Variants in REM2 observed in about 807,000 individuals in gnomAD.
REM2 encodes the protein GTP-binding protein REM 2.
REM2 carries 24 observed loss-of-function variants against 24.4 expected under a neutral mutation model. The ratio of observed to expected loss-of-function variants is 0.98; its 90% CI spans 0.71 to 1.38. The LOEUF (loss-of-function observed/expected upper bound fraction) is 1.38. REM2 is among the 40% of genes most tolerant of loss of function. The pLI, the probability that REM2 is intolerant of heterozygous loss-of-function variation, is 0.00. For missense variants in REM2, 429 were observed against 467.8 expected (o/e 0.92, Z 0.77); for synonymous variants, 187 against 198.0 (o/e 0.94, Z 0.47).
intron 1 of REM2, 66 bp downstream of exon 1, chr14:22,883,456 A>G (rs1267584953): frequency 7.1e-7 from 1 of 1,416,890 alleles, no homozygotes; most frequent in Non-Finnish European, 9.7e-7. Flanking sequence ...TTTGGTGGGG[A>G]GGTCAGAACT....
At position 22,885,322 on chromosome 14, in the gene REM2, T is replaced by C. The variant is rs2040114223; in HGVS notation, c.502T>C (p.Tyr168His). Reference sequence around the variant, plus strand: ...TAAGGAGGAAGTGACTCTAGTCGTTTATGACATCTGGGAACAGGTGAGAAC... The same window carrying C: ...TAAGGAGGAAGTGACTCTAGTCGTTCATGACATCTGGGAACAGGTGAGAAC... ...VDKEEVTLVVYDIWEQGDAGG... is the reference protein window; with the variant it reads ...VDKEEVTLVVHDIWEQGDAGG... The change falls in exon 3 of 5, where the codon TAT becomes CAT. Residue 168 changes from tyrosine to histidine, a missense_variant. Transcript: ENST00000267396. 6.2e-7 allele frequency: 1 copy of C among 1,613,366 alleles called. No homozygotes were observed. Among genetic ancestry groups the C allele is most frequent in the Non-Finnish European group, 8.5e-7 (1 of 1,179,322 alleles).
rs1787035819 is a variant in REM2, at chr14:22,886,333, T to A, written c.727+102T>A. The A allele has an allele frequency of 3.8e-6, 4 of 1,064,814 alleles. No individual in the cohort carries two copies. In the South Asian group the frequency reaches 5.6e-5, roughly 15 times the overall value. 66.0% of individuals were successfully genotyped at this position (1,064,814 alleles called of 1,614,324 possible). A position where few individuals can be genotyped will look rare whatever the true frequency, so the allele number is the denominator to read the frequency against. Reference sequence around the variant, plus strand: ...GGCCTTTTTACCATCGCGGACGCACTCACTTGCAATCAGACCCAGGCTAGG... The same window carrying A: ...GGCCTTTTTACCATCGCGGACGCACACACTTGCAATCAGACCCAGGCTAGG... On this transcript the variant is annotated intron_variant, in intron 4 of 4. Coordinates refer to ENST00000267396, the MANE Select transcript of REM2 (RefSeq NM_173527.3). The surrounding 1 kb of genome is among the most constrained non-coding windows in gnomAD (Gnocchi z 5.9).
Position 22,886,207 on chromosome 14 carries a change from C to A in REM2, c.703C>A (p.Arg235Ser). ...CGTTGGAAACAAGAGCGACTTGGCCCGCTCCCGGGAGGTATCACTGGAGGG... is the reference window on the plus strand; with the variant it reads ...CGTTGGAAACAAGAGCGACTTGGCCAGCTCCCGGGAGGTATCACTGGAGGG... ...ILVGNKSDLARSREVSLEEGR... is the reference protein window; with the variant it reads ...ILVGNKSDLASSREVSLEEGR... The change falls in exon 4 of 5, where the codon CGC becomes AGC. Residue 235 changes from arginine (R) to serine (S), a missense_variant. By Grantham distance (110) the Arg-to-Ser change is moderately radical. Transcript: ENST00000267396. This position sits in a 1 kb window ranked among gnomAD's most constrained non-coding sequence, Gnocchi z 5.9. The A allele has an allele frequency of 6.2e-7, 1 of 1,613,372 alleles. No homozygotes were observed. The highest frequency in any genetic ancestry group is 1.1e-5 in the South Asian group (1 of 90,966).
At position 22,885,301 on chromosome 14, in the gene REM2, G is replaced by A. The variant is rs770774317; in HGVS notation, c.481G>A (p.Glu161Lys). The change falls in exon 3 of 5, where the codon GAG (glutamate) becomes AAG (lysine). Residue 161 changes from glutamate to lysine, a missense_variant. Coordinates refer to ENST00000267396, the MANE Select transcript of REM2 (RefSeq NM_173527.3). The stretch of plus-strand genomic sequence containing the variant: ...TGAGAGACGCATCATGGTGGATAAG[G>A]AGGAAGTGACTCTAGTCGTTTATGA... ...TYERRIMVDKEEVTLVVYDIW... is the reference protein window; with the variant it reads ...TYERRIMVDKKEVTLVVYDIW... The A allele has an allele frequency of 2.5e-6, 4 of 1,613,682 alleles. No individual in the cohort carries two copies. The highest frequency in any genetic ancestry group is 3.4e-6 in the Non-Finnish European group (4 of 1,179,718).
In REM2 at chr14:22,886,951, G is replaced by A. The variant is rs1442822647; in HGVS notation, c.*42G>A. The A allele has an allele frequency of 2.2e-6, 3 of 1,349,772 alleles. No homozygotes were observed. Among genetic ancestry groups the A allele is most frequent in the Non-Finnish European group, 1.9e-6 (2 of 1,041,850 alleles). The allele number at this position is 1,349,772 out of a possible 1,614,324, so 83.6% of individuals were successfully genotyped here. On this transcript the variant is annotated 3_prime_UTR_variant, in exon 5 of 5. Transcript: ENST00000267396. The surrounding 1 kb of genome is among the most constrained non-coding windows in gnomAD (Gnocchi z 5.9). ...CCACTGCGGTCGCCATGGTCACCGCGCCCTCCGCTCGCCCCCCCTCGCCCC... is the reference window on the plus strand; with the variant it reads ...CCACTGCGGTCGCCATGGTCACCGCACCCTCCGCTCGCCCCCCCTCGCCCC...
Position 22,883,250 on chromosome 14 carries a change from T to G in REM2, c.-38T>G, listed in dbSNP as rs369133860. ...TGAGGGAGAGGGTGCTGCGAGCTGC[T>G]GGGCTGCACACGCACACGCACACGC... On this transcript the variant is annotated 5_prime_UTR_variant, in exon 1 of 5. Coordinates refer to ENST00000267396, the MANE Select transcript of REM2 (RefSeq NM_173527.3). 11 of 1,136,596 alleles carry G rather than the reference T, an allele frequency of 9.7e-6. No homozygotes were observed. The African/African-American group carries it at 1.1e-4, about 11-fold the overall frequency. The allele number at this position is 1,136,596 out of a possible 1,614,324, so 70.4% of individuals were successfully genotyped here. A position where few individuals can be genotyped will look rare whatever the true frequency, so the allele number is the denominator to read the frequency against.
In REM2 at chr14:22,883,362, G is replaced by A; in HGVS notation, c.75G>A (p.Arg25=). 1 of 1,556,800 alleles carries A rather than the reference G, an allele frequency of 6.4e-7. No individual in the cohort carries two copies. Among genetic ancestry groups the A allele is most frequent in the Non-Finnish European group, 8.7e-7 (1 of 1,150,396 alleles). ...CACTCTGCCCCTCTGGCAGCCGCCG[G>A]GCCTCCCCTCCAGGGACGCCCACAC... ...TTALCPSGSR[R]ASPPGTPTPE... is the part of the protein sequence containing the mutation. The change falls in exon 1 of 5, where the codon CGG becomes CGA. Residue 25 remains arginine (R), a synonymous_variant. Coordinates refer to ENST00000267396, the MANE Select transcript of REM2 (RefSeq NM_173527.3).
chr14:22,884,028 G>A, intron 1 of REM2: 1 of 984,826 alleles, frequency 1.0e-6, no homozygotes, highest in Non-Finnish European at 1.2e-6. Context: ...ACGCAATGAG[G>A]GATGCTCACC....
rs923442916 is a variant in REM2, at chr14:22,886,962, G to GC, written c.*60dup. ...GCCATGGTCACCGCGCCCTCCGCTC[G>GC]CCCCCCCTCGCCCCGCCCCGCCCCC... On this transcript the variant is annotated 3_prime_UTR_variant, in exon 5 of 5. Transcript: ENST00000267396. The surrounding 1 kb of genome is among the most constrained non-coding windows in gnomAD (Gnocchi z 5.9). 510 of 1,296,998 alleles carry GC rather than the reference G, an allele frequency of 3.9e-4. 1 individual carries two copies. Among genetic ancestry groups the GC allele is most frequent in the Middle Eastern group, 3.2e-3 (11 of 3,474 alleles). 80.3% of individuals were successfully genotyped at this position (1,296,998 alleles called of 1,614,324 possible).
chr14:22,885,387 T>G, intron 3 of REM2, 48 bp downstream of exon 3: 1 of 1,443,180 alleles, frequency 6.9e-7, no homozygotes, highest in African/African-American at 1.4e-5. Flanking sequence ...CTGGGAGAAC[T>G]GGGGAAGGGC....
In REM2 at chr14:22,886,173, C is replaced by T; in HGVS notation, c.669C>T (p.Pro223=). Residue 223 remains proline (P), a synonymous_variant, in exon 4 of 5, where the codon CCC becomes CCT. Transcript: ENST00000267396. The surrounding 1 kb of genome is among the most constrained non-coding windows in gnomAD (Gnocchi z 5.9). ...CTGGGAGGCCGCACCACGACCTACC[C>T]GTTATCCTCGTTGGAAACAAGAGCG... ...LRAGRPHHDL[P]VILVGNKSDL... 1.2e-6 allele frequency: 2 copies of T among 1,613,958 alleles called. No homozygotes were observed. The highest frequency in any genetic ancestry group is 2.7e-5 in the African/African-American group (2 of 75,052).
Position 22,887,040 on chromosome 14 carries a change from C to T in REM2, c.*131C>T. On this transcript the variant is annotated 3_prime_UTR_variant, in exon 5 of 5. Transcript: ENST00000267396. ...AGGAAACCAAAAACTCCCAGGATGC[C>T]CCGGTGTGACCGCCGGGGGCGGCCC... The T allele has an allele frequency of 9.9e-6, 8 of 807,672 alleles. No individual in the cohort carries two copies. The highest frequency in any genetic ancestry group is 1.4e-5 in the Non-Finnish European group (8 of 562,346). 50.0% of individuals were successfully genotyped at this position (807,672 alleles called of 1,614,324 possible).
Position 22,886,293 on chromosome 14 carries a change from AC to A in REM2, c.727+64del. On this transcript the variant is annotated intron_variant, in intron 4 of 4. Coordinates refer to ENST00000267396, the MANE Select transcript of REM2 (RefSeq NM_173527.3). This position sits in a 1 kb window ranked among gnomAD's most constrained non-coding sequence, Gnocchi z 5.9. ...AGGGGAATGCTCTCCCTTCCAAGTC[AC>A]CTCTTCTCCCTAAGGCCTTTTTACC... 10 of 1,447,416 alleles carry A rather than the reference AC, an allele frequency of 6.9e-6. No homozygotes were observed. The highest frequency in any genetic ancestry group is 9.5e-6 in the Non-Finnish European group (10 of 1,050,572). The allele number at this position is 1,447,416 out of a possible 1,614,324, so 89.7% of individuals were successfully genotyped here.
chr14:22,884,373 G>C, intron 1 of REM2: 1 of 985,456 alleles, frequency 1.0e-6, no homozygotes, highest in Non-Finnish European at 1.2e-6. Context: ...CTGTGTATCA[G>C]TGTAAAGTGT....
chr14:22,886,585 C>T lies in REM2; in HGVS notation c.728-29C>T. On this transcript the variant is annotated intron_variant, in intron 4 of 4. Coordinates refer to ENST00000267396, the MANE Select transcript of REM2 (RefSeq NM_173527.3). This position sits in a 1 kb window ranked among gnomAD's most constrained non-coding sequence, Gnocchi z 5.9. ...TCGCCCCGGGTCCCGTACAGCCCAGCGGGCGCCTGAGCCGGTGCCTTCCTG... is the reference window on the plus strand; with the variant it reads ...TCGCCCCGGGTCCCGTACAGCCCAGTGGGCGCCTGAGCCGGTGCCTTCCTG... 6.9e-7 allele frequency: 1 copy of T among 1,443,770 alleles called. No individual in the cohort carries two copies. The highest frequency in any genetic ancestry group is 2.5e-5 in the East Asian group (1 of 39,630). The allele number at this position is 1,443,770 out of a possible 1,614,324, so 89.4% of individuals were successfully genotyped here. A position where few individuals can be genotyped will look rare whatever the true frequency, so the allele number is the denominator to read the frequency against.
intron 1 of REM2, chr14:22,883,940 ACTT>A (rs901186928): frequency 2.5e-6 from 2 of 804,266 alleles, no homozygotes; most frequent in African/African-American, 1.9e-5. Context: ...CTCTCTCTCT[ACTT>A]CTACTGCTCT....
chr14:22,884,764 G>A lies in REM2; in HGVS notation c.194G>A (p.Arg65Gln), dbSNP rs894910280. The change falls in exon 2 of 5, where the codon CGA (arginine) becomes CAA (glutamine). Residue 65 changes from arginine (R) to glutamine (Q), a missense_variant. Physicochemically the swap from Arg to Gln is conservative, Grantham distance 43. Coordinates refer to ENST00000267396, the MANE Select transcript of REM2 (RefSeq NM_173527.3). ...GLPSAPGAPRRRGSMPVPYKH... is the reference protein window; with the variant it reads ...GLPSAPGAPRQRGSMPVPYKH... ...CCCTCTGCCCCTGGGGCCCCCAGAC[G>A]AAGAGGCAGTATGCCTGTCCCCTAC... 1.2e-6 allele frequency: 2 copies of A among 1,613,922 alleles called. No homozygotes were observed. Among genetic ancestry groups the A allele is most frequent in the Non-Finnish European group, 1.7e-6 (2 of 1,179,900 alleles).
In REM2 at chr14:22,887,055, G is replaced by T; in HGVS notation, c.*146G>T. The T allele has an allele frequency of 2.8e-6, 2 of 708,202 alleles. No homozygotes were observed. The highest frequency in any genetic ancestry group is 4.2e-6 in the Non-Finnish European group (2 of 475,826). The allele number at this position is 708,202 out of a possible 1,614,324, so 43.9% of individuals were successfully genotyped here. ...CCCAGGATGCCCCGGTGTGACCGCC[G>T]GGGGCGGCCCGGGGCCGCTCGGCGG... On this transcript the variant is annotated 3_prime_UTR_variant, in exon 5 of 5. Coordinates refer to ENST00000267396, the MANE Select transcript of REM2 (RefSeq NM_173527.3).
rs573100394 is a variant in REM2 at position 22,886,520 on chromosome 14, C to A, written c.728-94C>A. ...GGTTGCAAGATTCACTAGTACCAATCCCTTGCCACCGCACGCCCAGGCCCT... is the reference window on the plus strand; with the variant it reads ...GGTTGCAAGATTCACTAGTACCAATACCTTGCCACCGCACGCCCAGGCCCT... On this transcript the variant is annotated intron_variant, in intron 4 of 4. Transcript: ENST00000267396. This position sits in a 1 kb window ranked among gnomAD's most constrained non-coding sequence, Gnocchi z 5.9. 4 of 1,155,626 alleles carry A rather than the reference C, an allele frequency of 3.5e-6. No individual in the cohort carries two copies. Among genetic ancestry groups the A allele is most frequent in the African/African-American group, 3.1e-5 (2 of 64,256 alleles). 71.6% of individuals were successfully genotyped at this position (1,155,626 alleles called of 1,614,324 possible).
Sources: gnomAD v4.1 joint callset for allele counts on GRCh38, gnomAD v4.1.1 for gene constraint, Gnocchi (gnomAD v3.1) non-coding constraint, MANE v1.5 for transcripts, NCBI Gene and HGNC (gene_info 2026-07-23, HGNC 2026-07-21) for gene names.